The following DLGAP1 variants were observed in gnomAD, a reference collection of about 807,000 sequenced individuals.
The protein encoded by DLGAP1 is DLG associated protein 1.
Under a neutral mutation model 90.8 loss-of-function variants are expected in DLGAP1, and 11 were observed. The observed-to-expected ratio is 0.12, with a 90% confidence interval of 0.08 to 0.20. The LOEUF (loss-of-function observed/expected upper bound fraction) is 0.20, where lower values mean the gene tolerates loss of function less well. DLGAP1 is among the 10% of genes least tolerant of loss of function. DLGAP1 has a pLI of 1.00. For synonymous variants in DLGAP1, 558 were observed against 540.7 expected (o/e 1.03, Z -0.44); for missense variants, 1,050 against 1,333.8 (o/e 0.79, Z 3.31).
intron 3 of DLGAP1, among the ~76,000 whole-genome samples, chr18:3,910,694 G>A (rs546712075): frequency 2.6e-5 from 4 of 152,208 alleles, no homozygotes; most frequent in South Asian, 2.1e-4. Context: ...TGCGGTGTCC[G>A]GGGGAAGTTG....
At chr18:4,144,846 G>A (rs1461189776) in intron 2 of DLGAP1, among the ~76,000 whole-genome samples, 1 of 152,174 alleles carries the variant, frequency 6.6e-6, no homozygotes, top group African/African-American at 2.4e-5. Context: ...TCCAGTCAAT[G>A]TGCCTTTTCT....
intron 1 of DLGAP1, among the ~76,000 whole-genome samples, chr18:4,374,839 A>T (rs2081983769): frequency 6.6e-6 from 1 of 152,158 alleles, no homozygotes. Context: ...TGAAAAAAAT[A>T]CTGTCCTAAT....
chr18:3,908,444 T>C (rs16945619), intron 3 of DLGAP1, among the ~76,000 whole-genome samples: 4,172 of 152,272 alleles, frequency 0.027, 78 homozygotes, highest in African/African-American at 0.038. Flanking sequence ...AAGATCCTCA[T>C]CAGTACTCTT....
chr18:3,877,247 A>G (rs572260052), intron 4 of DLGAP1, among the ~76,000 whole-genome samples: 1 of 152,298 alleles, frequency 6.6e-6, no homozygotes, highest in South Asian at 2.1e-4. Flanking sequence ...ACTTTTCACC[A>G]CTACCTGAGA....
At chr18:4,437,789 A>T (rs2083437662) in intron 1 of DLGAP1, among the ~76,000 whole-genome samples, 1 of 121,680 alleles carries the variant, frequency 8.2e-6, no homozygotes, top group East Asian at 2.4e-4. Flanking sequence ...TAATCTCTGA[A>T]TTGTCCACTT....
intron 5 of DLGAP1, among the ~76,000 whole-genome samples, chr18:3,778,554 T>C (rs1195650295): frequency 6.6e-6 from 1 of 152,072 alleles, no homozygotes; most frequent in Non-Finnish European, 1.5e-5. Flanking sequence ...GTGTGGGCTG[T>C]ATAGGCAGGT....
At chr18:4,186,534 T>C (rs2077298641) in intron 1 of DLGAP1, among the ~76,000 whole-genome samples, 1 of 152,194 alleles carries the variant, frequency 6.6e-6, no homozygotes, top group African/African-American at 2.4e-5. Context: ...AAATAAGTAA[T>C]CTTTTCCCCA....
chr18:4,004,427 G>T (rs1599308322), intron 3 of DLGAP1, among the ~76,000 whole-genome samples: 1 of 151,768 alleles, frequency 6.6e-6, no homozygotes, highest in Non-Finnish European at 1.5e-5. Flanking sequence ...CTTCCCTTCC[G>T]AATTAACCTG....
At chr18:3,880,753 G>A (rs1216716282) in intron 3 of DLGAP1, among the ~76,000 whole-genome samples, 1 of 151,734 alleles carries the variant, frequency 6.6e-6, no homozygotes, top group Non-Finnish European at 1.5e-5. Flanking sequence ...GACCAGCCTG[G>A]CCAACATGGT....
chr18:3,652,176 A>G (rs1275914110), intron 7 of DLGAP1, among the ~76,000 whole-genome samples: 4 of 149,526 alleles, frequency 2.7e-5, no homozygotes, highest in Non-Finnish European at 4.4e-5. Context: ...AAAAAAAAAA[A>G]AAAAGAAAAG....
chr18:3,814,893 A>G (rs1244676742), intron 4 of DLGAP1, among the ~76,000 whole-genome samples: 1 of 152,210 alleles, frequency 6.6e-6, no homozygotes, highest in Non-Finnish European at 1.5e-5. Flanking sequence ...ATTATCTGAA[A>G]CTTTAGACAT....
At chr18:4,198,025 T>C (rs1036678142) in intron 1 of DLGAP1, among the ~76,000 whole-genome samples, 1 of 151,756 alleles carries the variant, frequency 6.6e-6, no homozygotes, top group Non-Finnish European at 1.5e-5. Context: ...ATCAAGACCA[T>C]CCTGGCTAAC....
chr18:4,310,891 C>T (rs762496891), intron 1 of DLGAP1, among the ~76,000 whole-genome samples: 1 of 152,160 alleles, frequency 6.6e-6, no homozygotes, highest in Non-Finnish European at 1.5e-5. Flanking sequence ...ATCATCTTAG[C>T]AATTCTCTGA....
intron 7 of DLGAP1, among the ~76,000 whole-genome samples, chr18:3,632,453 C>G (rs1032756644): frequency 4.6e-5 from 7 of 152,104 alleles, no homozygotes; most frequent in Non-Finnish European, 1.0e-4. Context: ...AGACTCACGC[C>G]ACCAGGCCCA....
intron 1 of DLGAP1, among the ~76,000 whole-genome samples, chr18:4,437,335 C>A (rs1391921845): frequency 6.6e-6 from 1 of 152,090 alleles, no homozygotes; most frequent in African/African-American, 2.4e-5. Flanking sequence ...GATCAATTAA[C>A]AATAACTAAT....
At chr18:4,432,830 C>T (rs1036046500) in intron 1 of DLGAP1, among the ~76,000 whole-genome samples, 5 of 152,092 alleles carry the variant, frequency 3.3e-5, no homozygotes, top group African/African-American at 4.8e-5. Context: ...AGATCTAAGC[C>T]TTCTTCCATA....
intron 3 of DLGAP1, among the ~76,000 whole-genome samples, chr18:3,880,422 C>A (rs1487727223): frequency 6.6e-6 from 1 of 152,052 alleles, no homozygotes; most frequent in East Asian, 2.0e-4. Context: ...AGCTGTCCTC[C>A]CACTTTGGCC....
intron 7 of DLGAP1, among the ~76,000 whole-genome samples, chr18:3,612,099 T>C (rs114473308): frequency 2.6e-5 from 4 of 152,222 alleles, no homozygotes; most frequent in Admixed American, 6.5e-5. Flanking sequence ...CACAGTTCTG[T>C]CGTCCCAGCT....
intron 1 of DLGAP1, among the ~76,000 whole-genome samples, chr18:4,175,056 C>T (rs2144615158): frequency 6.6e-6 from 1 of 152,306 alleles, no homozygotes; most frequent in African/African-American, 2.4e-5. Context: ...AAAAGCATTC[C>T]TATTCCTCCA....
Sources: allele counts gnomAD v4.1 joint callset (sites outside exome capture counted in the v4.1 genomes callset), GRCh38; gene constraint gnomAD v4.1.1; transcripts MANE v1.5; gene names NCBI Gene and HGNC (gene_info 2026-07-23, HGNC 2026-07-21).